Variants in BMPR1B observed in about 807,000 individuals in gnomAD.
The protein encoded by BMPR1B is bone morphogenetic protein receptor type-1B.
Under a neutral mutation model 59.1 loss-of-function variants are expected in BMPR1B, and 12 were observed. The ratio of observed to expected loss-of-function variants is 0.20; its 90% CI spans 0.13 to 0.33. The LOEUF is 0.33. Ranked by LOEUF, BMPR1B falls within the 10% of genes least tolerant of loss-of-function variation. The probability of loss-of-function intolerance (pLI) is 1.00; values close to 1 mark genes in which losing one functional copy is unlikely to be tolerated. For missense variants in BMPR1B, 550 were observed against 610.9 expected (o/e 0.90, Z 1.05); for synonymous variants, 237 against 207.3 (o/e 1.14, Z -1.23).
chr4:94,817,471 G>A lies in BMPR1B; in HGVS notation c.-182-58360G>A, dbSNP rs151103966. On this transcript the variant is annotated intron_variant, in intron 1 of 12. Transcript: ENST00000515059. ...GATGAGTTCAGATTCTGGCTCTGCT[G>A]TTTTCTAGGTACATGGCCTTTGGCG... is the stretch of plus-strand genomic sequence containing the variant. 9.3e-3 allele frequency among the ~76,000 whole-genome samples: 1,412 copies of A among 151,626 alleles called. 8 individuals carry two copies. The highest frequency in any genetic ancestry group is 0.015 in the Non-Finnish European group (1,043 of 67,904).
chr4:94,767,829 C>T (rs1322563452), intron 1 of BMPR1B, among the ~76,000 whole-genome samples: 1 of 152,054 alleles, frequency 6.6e-6, no homozygotes, highest in East Asian at 1.9e-4. Context: ...GTATTTCCTG[C>T]TCCATAATTA....
chr4:94,951,170 G>A (rs1338557028), intron 2 of BMPR1B, among the ~76,000 whole-genome samples: 1 of 152,082 alleles, frequency 6.6e-6, no homozygotes, highest in Non-Finnish European at 1.5e-5. Context: ...AAGGAGATTT[G>A]GGCTCAGATG....
At chr4:94,921,534 A>G (rs1728686558) in intron 2 of BMPR1B, among the ~76,000 whole-genome samples, 1 of 152,036 alleles carries the variant, frequency 6.6e-6, no homozygotes, top group Non-Finnish European at 1.5e-5. Context: ...CAGGACCAAG[A>G]CAGAGGAATG....
chr4:94,806,241 GA>G (rs1484724946), intron 1 of BMPR1B, among the ~76,000 whole-genome samples: 4 of 152,238 alleles, frequency 2.6e-5, no homozygotes, highest in African/African-American at 9.6e-5. Context: ...AGTATTTAGT[GA>G]ATTCAGTTTT....
chr4:94,762,123 G>C (rs948364602), intron 1 of BMPR1B, among the ~76,000 whole-genome samples: 1 of 152,160 alleles, frequency 6.6e-6, no homozygotes, highest in African/African-American at 2.4e-5. Context: ...TTTTCATGAT[G>C]TTCAGGACAT....
At chr4:94,836,729 G>C (rs1254831195) in intron 1 of BMPR1B, among the ~76,000 whole-genome samples, 1 of 146,188 alleles carries the variant, frequency 6.8e-6, no homozygotes, top group Non-Finnish European at 1.5e-5. Context: ...TCTGATGGTA[G>C]TTTCTTTTGC....
At chr4:95,079,015 T>A (rs539968021) in intron 3 of BMPR1B, among the ~76,000 whole-genome samples, 20 of 152,226 alleles carry the variant, frequency 1.3e-4, no homozygotes, top group African/African-American at 4.8e-4. Context: ...TGCCTTAGCG[T>A]CCCAAAGTGC....
intron 1 of BMPR1B, among the ~76,000 whole-genome samples, chr4:94,798,437 A>T (rs993377832): frequency 6.6e-6 from 1 of 152,216 alleles, no homozygotes; most frequent in African/African-American, 2.4e-5. Context: ...TGTGGTGCTA[A>T]TGTATCCCTT....
At chr4:95,060,530 G>A (rs1727282648) in intron 3 of BMPR1B, among the ~76,000 whole-genome samples, 1 of 152,172 alleles carries the variant, frequency 6.6e-6, no homozygotes, top group Non-Finnish European at 1.5e-5. Context: ...AGTATGAGCT[G>A]AAAGATTTCT....
chr4:95,096,821 T>C (rs1211565344), intron 3 of BMPR1B, among the ~76,000 whole-genome samples: 1 of 140,690 alleles, frequency 7.1e-6, no homozygotes, highest in East Asian at 2.0e-4. Context: ...AATATAAATA[T>C]ATTTATATTT....
chr4:94,828,111 CAAAT>C (rs1212266192), intron 1 of BMPR1B, among the ~76,000 whole-genome samples: 6 of 152,038 alleles, frequency 3.9e-5, no homozygotes, highest in African/African-American at 1.5e-4. Flanking sequence ...TAAATGTGAA[CAAAT>C]AAAGGTGAAT....
intron 3 of BMPR1B, among the ~76,000 whole-genome samples, chr4:95,002,668 T>C (rs1161849694): frequency 6.6e-6 from 1 of 152,140 alleles, no homozygotes; most frequent in Non-Finnish European, 1.5e-5. Context: ...TCCTGTTTCC[T>C]CCTCCCTCAT....
intron 1 of BMPR1B, among the ~76,000 whole-genome samples, chr4:94,843,134 G>T (rs1725164630): frequency 6.6e-6 from 1 of 152,078 alleles, no homozygotes; most frequent in African/African-American, 2.4e-5. Flanking sequence ...TAAATAACTT[G>T]CCCAAAATCA....
At chr4:94,958,802 G>A (rs961320011) in intron 2 of BMPR1B, among the ~76,000 whole-genome samples, 6 of 152,030 alleles carry the variant, frequency 3.9e-5, no homozygotes, top group African/African-American at 7.2e-5. Flanking sequence ...TGGGTAACCT[G>A]TATCTCTGTA....
intron 1 of BMPR1B, among the ~76,000 whole-genome samples, chr4:94,850,409 C>T (rs879302291): frequency 1.3e-5 from 2 of 152,106 alleles, no homozygotes; most frequent in African/African-American, 4.8e-5. Flanking sequence ...TGGCAGGTAG[C>T]GTGACTGCCT....
intron 2 of BMPR1B, among the ~76,000 whole-genome samples, chr4:94,920,438 T>G (rs1728644693): frequency 6.6e-6 from 1 of 152,178 alleles, no homozygotes; most frequent in Admixed American, 6.5e-5. Flanking sequence ...TTAAAGAGTT[T>G]TATGGGGGCT....
chr4:95,039,152 T>C (rs570324760), intron 3 of BMPR1B, among the ~76,000 whole-genome samples: 6 of 152,312 alleles, frequency 3.9e-5, no homozygotes, highest in African/African-American at 1.4e-4. Flanking sequence ...TAGTAGAGAA[T>C]TGTCTTTGTG....
At chr4:94,775,594 A>G (rs1012848819) in intron 1 of BMPR1B, among the ~76,000 whole-genome samples, 5 of 152,216 alleles carry the variant, frequency 3.3e-5, no homozygotes, top group African/African-American at 1.2e-4. Flanking sequence ...CCCTTGGATG[A>G]ATTATGAAAT....
chr4:95,017,399 G>A (rs1723655492), intron 3 of BMPR1B, among the ~76,000 whole-genome samples: 1 of 152,126 alleles, frequency 6.6e-6, no homozygotes, highest in African/African-American at 2.4e-5. Context: ...CATCACGAGG[G>A]ACTTTTTTGC....
Sources: gnomAD v4.1 joint callset for allele counts (sites outside exome capture counted in the v4.1 genomes callset) on GRCh38, gnomAD v4.1.1 for gene constraint, MANE v1.5 for transcripts, NCBI Gene and HGNC (gene_info 2026-07-23, HGNC 2026-07-21) for gene names.